Variants in MGAT4C observed in about 807,000 individuals in gnomAD.
MGAT4C encodes the protein MGAT4 family member C.
MGAT4C carries 19 observed loss-of-function variants against 40.1 expected under a neutral mutation model. That is an observed-to-expected ratio of 0.47 (90% CI 0.33 to 0.70). MGAT4C has a LOEUF of 0.70. Ranked by LOEUF, MGAT4C falls within the 30% of genes least tolerant of loss-of-function variation. The pLI is 0.02. For synonymous variants in MGAT4C, 181 were observed against 187.1 expected (o/e 0.97, Z 0.27); for missense variants, 491 against 563.2 (o/e 0.87, Z 1.30).
intron 1 of MGAT4C, among the ~76,000 whole-genome samples, chr12:86,065,045 G>T (rs960455199): frequency 1.3e-5 from 2 of 152,070 alleles, no homozygotes; most frequent in Non-Finnish European, 2.9e-5. Flanking sequence ...CCAATAACAA[G>T]TTCTGAAATT....
chr12:86,590,159 A>C (rs921676446), intron 2 of MGAT4C, among the ~76,000 whole-genome samples: 2 of 151,960 alleles, frequency 1.3e-5, no homozygotes, highest in Non-Finnish European at 2.9e-5. Flanking sequence ...ACACCAGTAA[A>C]ATGTAGATAC....
At chr12:86,253,291 C>T (rs1322071343) in intron 1 of MGAT4C, among the ~76,000 whole-genome samples, 1 of 151,554 alleles carries the variant, frequency 6.6e-6, no homozygotes. Context: ...GAAGTAGATA[C>T]TCAAGAGAAG....
intron 2 of MGAT4C, among the ~76,000 whole-genome samples, chr12:86,500,078 C>A (rs1050471555): frequency 1.3e-4 from 20 of 151,238 alleles, no homozygotes; most frequent in African/African-American, 4.9e-4. Context: ...GCCTTCAATG[C>A]ATCGGAAATG....
intron 1 of MGAT4C, among the ~76,000 whole-genome samples, chr12:86,194,143 T>C (rs987211440): frequency 6.6e-6 from 1 of 152,224 alleles, no homozygotes; most frequent in South Asian, 2.1e-4. Context: ...ATGTTCTTAA[T>C]GTTATTTCTA....
At chr12:86,811,336 AT>A (rs553885593) in intron 1 of MGAT4C, among the ~76,000 whole-genome samples, 2,057 of 106,914 alleles carry the variant, frequency 0.019, 28 homozygotes, top group Middle Eastern at 0.032. Flanking sequence ...CACTCATAGT[AT>A]TTTTTTTTTT....
intron 2 of MGAT4C, among the ~76,000 whole-genome samples, chr12:86,452,013 C>T (rs968925675): frequency 2.0e-5 from 3 of 151,858 alleles, no homozygotes. Context: ...TTCAATCATT[C>T]GACCCCTATT....
chr12:86,477,806 T>A (rs1009639243), intron 2 of MGAT4C, among the ~76,000 whole-genome samples: 1 of 152,086 alleles, frequency 6.6e-6, no homozygotes, highest in African/African-American at 2.4e-5. Flanking sequence ...CCAAGTGTTA[T>A]CATTGTTCAA....
intron 1 of MGAT4C, among the ~76,000 whole-genome samples, chr12:86,125,418 A>G (rs760963947): frequency 4.6e-5 from 7 of 152,142 alleles, no homozygotes; most frequent in Non-Finnish European, 1.0e-4. Context: ...TTTTTATATT[A>G]CTGCATCTCT....
chr12:86,342,581 A>G (rs533914735), intron 3 of MGAT4C, among the ~76,000 whole-genome samples: 192 of 152,204 alleles, frequency 1.3e-3, no homozygotes, highest in Admixed American at 2.5e-3. Flanking sequence ...CATACGCTCC[A>G]TGGCTCATCA....
intron 1 of MGAT4C, among the ~76,000 whole-genome samples, chr12:86,738,577 T>A (rs751620613): frequency 6.6e-6 from 1 of 151,422 alleles, no homozygotes; most frequent in Non-Finnish European, 1.5e-5. Context: ...TTATAGTCAG[T>A]TGCAAGTATG....
At chr12:86,075,574 C>T (rs1409597913) in intron 1 of MGAT4C, among the ~76,000 whole-genome samples, 1 of 152,212 alleles carries the variant, frequency 6.6e-6, no homozygotes, top group Non-Finnish European at 1.5e-5. Flanking sequence ...TCCCACACTT[C>T]CCTTCTGCAA....
At chr12:86,628,605 G>C (rs975425720) in intron 2 of MGAT4C, among the ~76,000 whole-genome samples, 9 of 152,110 alleles carry the variant, frequency 5.9e-5, no homozygotes, top group African/African-American at 2.2e-4. Flanking sequence ...CATTCCTAAA[G>C]AAAATAATTT....
At chr12:86,376,245 G>A (rs11103944) in intron 3 of MGAT4C, among the ~76,000 whole-genome samples, 2 of 147,824 alleles carry the variant, frequency 1.4e-5, no homozygotes, top group African/African-American at 5.0e-5. Context: ...AAAAAGAGCC[G>A]GGTGTTGTGG....
intron 2 of MGAT4C, among the ~76,000 whole-genome samples, chr12:86,723,367 C>T (rs1431708374): frequency 6.6e-6 from 1 of 152,090 alleles, no homozygotes; most frequent in African/African-American, 2.4e-5. Context: ...TGGCTAAGAA[C>T]ATCAGAAATT....
intron 4 of MGAT4C, among the ~76,000 whole-genome samples, chr12:86,280,515 A>C (rs1953191156): frequency 6.6e-6 from 1 of 152,068 alleles, no homozygotes; most frequent in Non-Finnish European, 1.5e-5. Flanking sequence ...TCGGATATAA[A>C]GCTTCAATAA....
intron 2 of MGAT4C, among the ~76,000 whole-genome samples, chr12:86,593,784 T>C (rs1961424955): frequency 6.6e-6 from 1 of 152,156 alleles, no homozygotes; most frequent in Non-Finnish European, 1.5e-5. Context: ...TTGTCTACCC[T>C]AGTGTTGGGT....
chr12:86,308,872 A>T (rs1349430906), intron 4 of MGAT4C, among the ~76,000 whole-genome samples: 5 of 150,608 alleles, frequency 3.3e-5, no homozygotes, highest in African/African-American at 1.0e-4. Flanking sequence ...TAGATTTTTT[A>T]AAAAAGAAGA....
chr12:86,522,611 T>C (rs370863321), intron 2 of MGAT4C, among the ~76,000 whole-genome samples: 1 of 152,154 alleles, frequency 6.6e-6, no homozygotes, highest in Non-Finnish European at 1.5e-5. Context: ...GCTGGTCTTA[T>C]GGAATGTGTT....
intron 1 of MGAT4C, among the ~76,000 whole-genome samples, chr12:86,143,116 G>A (rs939100693): frequency 1.3e-5 from 2 of 152,156 alleles, no homozygotes; most frequent in African/African-American, 4.8e-5. Context: ...AGAACTGTAA[G>A]AAAGAAATTT....
Sources: gnomAD v4.1 joint callset for allele counts (sites outside exome capture counted in the v4.1 genomes callset) on GRCh38, gnomAD v4.1.1 for gene constraint, MANE v1.5 for transcripts, NCBI Gene and HGNC (gene_info 2026-07-23, HGNC 2026-07-21) for gene names.